SGCZ: variants seen among roughly 807,000 people sequenced by gnomAD.
SGCZ encodes zeta-sarcoglycan.
SGCZ carries 40 observed loss-of-function variants against 41.3 expected under a neutral mutation model. That is an observed-to-expected ratio of 0.97 (90% CI 0.75 to 1.26). SGCZ has a LOEUF of 1.26. Ranked by LOEUF, SGCZ falls within the 50% of genes most tolerant of loss-of-function variation. SGCZ has a pLI of 0.00. For synonymous variants in SGCZ, 206 were observed against 137.5 expected (o/e 1.50, Z -3.49); for missense variants, 552 against 369.8 (o/e 1.49, Z -4.04).
intron 1 of SGCZ, among the ~76,000 whole-genome samples, chr8:15,164,384 C>T (rs536499938): frequency 1.9e-3 from 284 of 152,188 alleles, no homozygotes; most frequent in African/African-American, 6.5e-3. Flanking sequence ...GACAGAACAG[C>T]TCCCAGCCAC....
At position 14,542,733 on chromosome 8, in the gene SGCZ, T is replaced by G. The variant is rs1803508127; in HGVS notation, c.234+11999A>C. Among the ~76,000 whole-genome samples, 4 of 152,064 alleles carry G rather than the reference T, an allele frequency of 2.6e-5. No individual in the cohort carries two copies. The South Asian group carries it at 6.2e-4, about 24-fold the overall frequency. On this transcript the variant is annotated intron_variant, in intron 2 of 7. Coordinates refer to ENST00000382080, the MANE Select transcript of SGCZ (RefSeq NM_139167.4). ...GTAGAAACTTTTGCAGTGTTTTGGT[T>G]TATGTGTTTTTATTTGCATTATTTT...
intron 2 of SGCZ, among the ~76,000 whole-genome samples, chr8:14,394,085 T>G (rs1563300531): frequency 6.6e-6 from 1 of 151,072 alleles, no homozygotes; most frequent in African/African-American, 2.4e-5. Flanking sequence ...AGATGTAGCA[T>G]ACAAATGACT....
intron 3 of SGCZ, among the ~76,000 whole-genome samples, chr8:14,299,673 T>C (rs1319067408): frequency 6.6e-6 from 1 of 151,832 alleles, no homozygotes; most frequent in Non-Finnish European, 1.5e-5. Context: ...GTTGGCAAGG[T>C]TGTAGAGCAA....
rs1005740290 is a variant in SGCZ at position 14,393,433 on chromosome 8, C to A, written c.235-69229G>T. On this transcript the variant is annotated intron_variant, in intron 2 of 7. Coordinates refer to ENST00000382080, the MANE Select transcript of SGCZ (RefSeq NM_139167.4). ...GTACTATAAAGAGCAGACAAAATGG[C>A]GCTGATCAACTGGAAAGCCAATTTA... Among the ~76,000 whole-genome samples the A allele has an allele frequency of 2.0e-5, 3 of 152,226 alleles. No homozygotes were observed. In the South Asian group the frequency reaches 6.2e-4, roughly 32 times the overall value.
intron 1 of SGCZ, among the ~76,000 whole-genome samples, chr8:14,806,641 C>T (rs1400726536): frequency 6.6e-6 from 1 of 151,994 alleles, no homozygotes; most frequent in East Asian, 1.9e-4. Flanking sequence ...CAGCCGAATT[C>T]TACCAGAGGT....
intron 1 of SGCZ, among the ~76,000 whole-genome samples, chr8:14,721,052 G>C (rs894373524): frequency 6.6e-6 from 1 of 151,952 alleles, no homozygotes; most frequent in African/African-American, 2.4e-5. Flanking sequence ...TTTTTCACTT[G>C]CTTTCCAGGG....
At chr8:14,686,803 A>G (rs1301532079) in intron 1 of SGCZ, among the ~76,000 whole-genome samples, 1 of 152,084 alleles carries the variant, frequency 6.6e-6, no homozygotes, top group Non-Finnish European at 1.5e-5. Context: ...TCAAATTCTG[A>G]TTGTCCAGGA....
chr8:14,914,557 T>C (rs530463518), intron 1 of SGCZ, among the ~76,000 whole-genome samples: 1 of 152,274 alleles, frequency 6.6e-6, no homozygotes, highest in East Asian at 1.9e-4. Flanking sequence ...AAAAAAGGCT[T>C]ATCAAGAGCG....
rs149028058 is a variant in SGCZ, at chr8:14,361,544, T to C, written c.235-37340A>G. Among the ~76,000 whole-genome samples the C allele has an allele frequency of 3.0e-4, 46 of 152,308 alleles. No homozygotes were observed. In the East Asian group the frequency reaches 7.5e-3, roughly 25 times the overall value. Reference sequence around the variant, plus strand: ...TTCAGCTTCAAGAGGTCATTTAAGCTCTTCTCTACACTGGTTATTCTAGTT... The same window carrying C: ...TTCAGCTTCAAGAGGTCATTTAAGCCCTTCTCTACACTGGTTATTCTAGTT... On this transcript the variant is annotated intron_variant, in intron 2 of 7. Coordinates refer to ENST00000382080, the MANE Select transcript of SGCZ (RefSeq NM_139167.4).
intron 3 of SGCZ, among the ~76,000 whole-genome samples, chr8:14,270,996 G>C (rs1469490662): frequency 6.6e-6 from 1 of 152,100 alleles, no homozygotes; most frequent in Non-Finnish European, 1.5e-5. Flanking sequence ...GAATTGAACA[G>C]TGAGAACGCA....
chr8:14,756,591 T>G (rs1032325960), intron 1 of SGCZ, among the ~76,000 whole-genome samples: 1 of 152,210 alleles, frequency 6.6e-6, no homozygotes, highest in Admixed American at 6.5e-5. Flanking sequence ...TTCTATCTCC[T>G]GCAAAAGAAT....
chr8:14,284,440 T>C (rs1320047876), intron 3 of SGCZ, among the ~76,000 whole-genome samples: 1 of 152,250 alleles, frequency 6.6e-6, no homozygotes, highest in Non-Finnish European at 1.5e-5. Flanking sequence ...ATAGGTTTAC[T>C]AATCTATATT....
At chr8:14,119,875 C>T (rs993873282) in intron 5 of SGCZ, among the ~76,000 whole-genome samples, 9 of 151,944 alleles carry the variant, frequency 5.9e-5, no homozygotes, top group East Asian at 1.9e-4. Context: ...TATTGATTTC[C>T]GTATGTTGAA....
At position 14,551,489 on chromosome 8, in the gene SGCZ, TTATATATA is replaced by T. The variant is rs1563404257; in HGVS notation, c.234+3235_234+3242del. 3.2e-4 allele frequency among the ~76,000 whole-genome samples: 2 copies of T among 6,258 alleles called. 1 individual carries two copies. Among genetic ancestry groups the T allele is most frequent in the Non-Finnish European group, 6.5e-4 (2 of 3,056 alleles). 4.1% of individuals were successfully genotyped at this position (6,258 alleles called of 152,430 possible). A position where few individuals can be genotyped will look rare whatever the true frequency, so the allele number is the denominator to read the frequency against. ...TTATATATATTATATATTATATATA[TTATATATA>T]TTATATATATTATATATATTATATA... On this transcript the variant is annotated intron_variant, in intron 2 of 7. Coordinates refer to ENST00000382080, the MANE Select transcript of SGCZ (RefSeq NM_139167.4).
intron 2 of SGCZ, among the ~76,000 whole-genome samples, chr8:14,359,469 T>C (rs964016009): frequency 1.3e-5 from 2 of 151,972 alleles, no homozygotes; most frequent in African/African-American, 4.8e-5. Context: ...GGACAAACCA[T>C]ACGTTATGCC....
rs1208577760 is a variant in SGCZ, at chr8:14,917,663, C to A, written c.39+319922G>T. Among the ~76,000 whole-genome samples the A allele has an allele frequency of 2.6e-5, 4 of 152,058 alleles. 1 individual carries two copies. Among genetic ancestry groups the A allele is most frequent in the Non-Finnish European group, 5.9e-5 (4 of 67,976 alleles). On this transcript the variant is annotated intron_variant, in intron 1 of 7. Coordinates refer to ENST00000382080, the MANE Select transcript of SGCZ (RefSeq NM_139167.4). Reference sequence around the variant, plus strand: ...TGTTAATAGATCACTTACTTTACATCCTATTTCTACACAAGTTTTCAGGCC... The same window carrying A: ...TGTTAATAGATCACTTACTTTACATACTATTTCTACACAAGTTTTCAGGCC...
rs1302933813 is a variant in SGCZ, at chr8:14,567,681, G to C, written c.40-12755C>G. The stretch of plus-strand genomic sequence containing the variant: ...TCTTTCGCTCTTTGCAATAAGTCTT[G>C]ATACTGCTCACTCTTTGGGTGCACA... On this transcript the variant is annotated intron_variant, in intron 1 of 7. Transcript: ENST00000382080. Among the ~76,000 whole-genome samples the C allele has an allele frequency of 2.0e-5, 3 of 152,170 alleles. No homozygotes were observed. The East Asian group carries it at 5.8e-4, about 29-fold the overall frequency.
rs73664471 is a variant in SGCZ, at chr8:14,753,873, T to G, written c.40-198947A>C. ...TCATGCAATCACCTGCCCCAGTACT[T>G]GAGTTGCTGTGGTAGCAGAAGACCA... On this transcript the variant is annotated intron_variant, in intron 1 of 7. Transcript: ENST00000382080. Among the ~76,000 whole-genome samples, 733 of 152,270 alleles carry G rather than the reference T, an allele frequency of 4.8e-3. 5 individuals carry two copies. The highest frequency in any genetic ancestry group is 0.017 in the African/African-American group (706 of 41,548).
chr8:15,064,894 C>G (rs919962430), intron 1 of SGCZ, among the ~76,000 whole-genome samples: 4 of 152,166 alleles, frequency 2.6e-5, no homozygotes, highest in African/African-American at 7.2e-5. Flanking sequence ...TCGGTTGGCT[C>G]TTTGGTGCCA....
Sources: allele counts gnomAD v4.1 joint callset (sites outside exome capture counted in the v4.1 genomes callset), GRCh38; gene constraint gnomAD v4.1.1; transcripts MANE v1.5; gene names NCBI Gene and HGNC (gene_info 2026-07-23, HGNC 2026-07-21).